The following CNTN6 variants were observed in gnomAD, a reference collection of about 807,000 sequenced individuals.
CNTN6 encodes contactin 6, also known as contactin-6.
CNTN6 carries 137 observed loss-of-function variants against 122.8 expected under a neutral mutation model. That is an observed-to-expected ratio of 1.12 (90% CI 0.97 to 1.29). The LOEUF is 1.29. Ranked by LOEUF, CNTN6 falls within the 50% of genes most tolerant of loss-of-function variation. CNTN6 has a pLI of 0.00. For missense variants in CNTN6, 1,634 were observed against 1,223.4 expected (o/e 1.34, Z -5.01); for synonymous variants, 570 against 426.0 (o/e 1.34, Z -4.16).
intron 1 of CNTN6, among the ~76,000 whole-genome samples, chr3:1,118,662 T>C (rs1291981393): frequency 6.6e-6 from 1 of 152,142 alleles, no homozygotes; most frequent in African/African-American, 2.4e-5. Context: ...ATCCAATTCA[T>C]GTTGTTTTCT....
chr3:1,202,203 T>C lies in CNTN6; in HGVS notation c.56-18484T>C, dbSNP rs191337334. On this transcript the variant is annotated intron_variant, in intron 2 of 22. Transcript: ENST00000446702. ...ATAAAGAACACAAAGAAAGAATGCA[T>C]GACTAGGAATGAGGAGAAGGAAAAG... 2.4e-3 allele frequency among the ~76,000 whole-genome samples: 361 copies of C among 152,250 alleles called. 5 individuals carry two copies. Among genetic ancestry groups the C allele is most frequent in the Non-Finnish European group, 1.8e-3 (125 of 68,018 alleles).
chr3:1,246,445 C>T (rs928742931), intron 4 of CNTN6, among the ~76,000 whole-genome samples: 2 of 151,888 alleles, frequency 1.3e-5, no homozygotes, highest in African/African-American at 2.4e-5. Context: ...GGAACTTTTA[C>T]TGTTATTGGA....
intron 5 of CNTN6, among the ~76,000 whole-genome samples, chr3:1,288,946 C>T (rs529892465): frequency 1.3e-5 from 2 of 152,180 alleles, no homozygotes; most frequent in South Asian, 2.1e-4. Flanking sequence ...AGGACGAAGT[C>T]ATTGTGAAAC....
chr3:1,380,740 C>CTTTA (rs1255376044), intron 17 of CNTN6, among the ~76,000 whole-genome samples: 1 of 152,122 alleles, frequency 6.6e-6, no homozygotes, highest in African/African-American at 2.4e-5. Flanking sequence ...GTCTCAAAAC[C>CTTTA]TTTATTTTCA....
At position 1,278,450 on chromosome 3, in the gene CNTN6, A is replaced by G. The variant is rs542441977; in HGVS notation, c.396A>G (p.Val132=). 1.9e-6 allele frequency: 3 copies of G among 1,612,212 alleles called. No homozygotes were observed. Among genetic ancestry groups the G allele is most frequent in the African/African-American group, 1.3e-5 (1 of 75,016 alleles). The stretch of plus-strand genomic sequence containing the variant: ...TTGAAACTAAAACAAGAAGCACAGT[A>G]TCTGTCCGAGAAGGTCAAGGTGTGG... ...EDFETKTRST[V]SVREGQGVVL... Residue 132 remains valine (V), a synonymous_variant, in exon 5 of 23, where the codon GTA becomes GTG. Transcript: ENST00000446702.
chr3:1,135,469 C>T (rs777976205), intron 1 of CNTN6, among the ~76,000 whole-genome samples: 4 of 152,148 alleles, frequency 2.6e-5, no homozygotes, highest in Non-Finnish European at 4.4e-5. Flanking sequence ...TGTCAGTGCT[C>T]TGTGATTATT....
chr3:1,399,066 T>A (rs1218150521), intron 20 of CNTN6, among the ~76,000 whole-genome samples: 4 of 152,102 alleles, frequency 2.6e-5, no homozygotes. Flanking sequence ...TTGAAAACAA[T>A]ACTTTTTCCT....
At chr3:1,180,227 C>G (rs867325246) in intron 2 of CNTN6, among the ~76,000 whole-genome samples, 36 of 152,054 alleles carry the variant, frequency 2.4e-4, no homozygotes, top group Middle Eastern at 3.4e-3. Flanking sequence ...GAGAGAGAGA[C>G]AGTGAGAGAA....
intron 1 of CNTN6, among the ~76,000 whole-genome samples, chr3:1,121,134 C>T (rs1327165694): frequency 2.0e-5 from 3 of 151,924 alleles, no homozygotes; most frequent in African/African-American, 7.2e-5. Flanking sequence ...CAGTTACTGG[C>T]CTCTTTATTT....
rs904440973 is a variant in CNTN6 at position 1,115,676 on chromosome 3, C to T, written c.-83+22556C>T. 4.4e-4 allele frequency among the ~76,000 whole-genome samples: 67 copies of T among 152,104 alleles called. 1 individual carries two copies. Among genetic ancestry groups the T allele is most frequent in the African/African-American group, 4.8e-5 (2 of 41,426 alleles). On this transcript the variant is annotated intron_variant, in intron 1 of 22. Transcript: ENST00000446702. Reference sequence around the variant, plus strand: ...CTGAGGCAGGAGAATTGCTTGAACCCGGGAGGCAGAGGTTACAGTGAGCTG... The same window carrying T: ...CTGAGGCAGGAGAATTGCTTGAACCTGGGAGGCAGAGGTTACAGTGAGCTG...
At chr3:1,116,377 A>G (rs187179255) in intron 1 of CNTN6, among the ~76,000 whole-genome samples, 3 of 152,316 alleles carry the variant, frequency 2.0e-5, no homozygotes, top group African/African-American at 7.2e-5. Flanking sequence ...AGAGTACTTG[A>G]ATAGCAAAAA....
At chr3:1,093,881 G>C (rs890544036) in intron 1 of CNTN6, among the ~76,000 whole-genome samples, 3 of 152,134 alleles carry the variant, frequency 2.0e-5, no homozygotes, top group African/African-American at 7.2e-5. Flanking sequence ...GTAACATTGG[G>C]GTTTGGGGGG....
chr3:1,190,671 T>C (rs2093688918), intron 2 of CNTN6, among the ~76,000 whole-genome samples: 1 of 152,150 alleles, frequency 6.6e-6, no homozygotes, highest in Non-Finnish European at 1.5e-5. Context: ...GAAAGCAGAA[T>C]GGTACAGGAA....
chr3:1,396,865 G>A (rs1208840387), intron 20 of CNTN6, among the ~76,000 whole-genome samples: 1 of 152,162 alleles, frequency 6.6e-6, no homozygotes, highest in Non-Finnish European at 1.5e-5. Context: ...CCATGTCCTT[G>A]AGATGACATC....
intron 1 of CNTN6, among the ~76,000 whole-genome samples, chr3:1,125,197 A>G (rs1419881973): frequency 6.6e-6 from 1 of 151,964 alleles, no homozygotes; most frequent in African/African-American, 2.4e-5. Flanking sequence ...CTAAATCTTT[A>G]CTTATCTGTC....
rs752572674 is a variant in CNTN6, at chr3:1,401,534, T to C, written c.2806T>C (p.Leu936=). ...VKTMENESEV[L]GYKILYRQNR... is the part of the protein sequence containing the mutation. ...AACCATGGAAAATGAGTCTGAAGTT[T>C]TGGGGTACAAGGTGAGTTTTTAGTT... Residue 936 remains leucine (L), a synonymous_variant, in exon 21 of 23, where the codon TTG becomes CTG. Transcript: ENST00000446702. The C allele has an allele frequency of 6.2e-7, 1 of 1,609,956 alleles. No individual in the cohort carries two copies. The highest frequency in any genetic ancestry group is 1.1e-5 in the South Asian group (1 of 90,670).
chr3:1,152,450 T>C (rs138575853), intron 2 of CNTN6, among the ~76,000 whole-genome samples: 2 of 152,226 alleles, frequency 1.3e-5, no homozygotes, highest in African/African-American at 2.4e-5. Context: ...AGAAATATTT[T>C]ATTTTTTAAT....
chr3:1,105,276 A>G (rs1464388071), intron 1 of CNTN6, among the ~76,000 whole-genome samples: 1 of 152,106 alleles, frequency 6.6e-6, no homozygotes, highest in Non-Finnish European at 1.5e-5. Flanking sequence ...TGGAAAATGC[A>G]TGCCTGAATG....
At chr3:1,263,343 T>G (rs2094877653) in intron 4 of CNTN6, among the ~76,000 whole-genome samples, 1 of 152,192 alleles carries the variant, frequency 6.6e-6, no homozygotes, top group Non-Finnish European at 1.5e-5. Flanking sequence ...TCCATCTGTT[T>G]GAGGGTTTTT....
Sources: allele counts gnomAD v4.1 joint callset (sites outside exome capture counted in the v4.1 genomes callset), GRCh38; gene constraint gnomAD v4.1.1; transcripts MANE v1.5; gene names NCBI Gene and HGNC (gene_info 2026-07-23, HGNC 2026-07-21).